The following SMC5 variants were observed in gnomAD, a reference collection of about 807,000 sequenced individuals.
SMC5 encodes structural maintenance of chromosomes protein 5.
SMC5 carries 88 observed loss-of-function variants against 148.3 expected under a neutral mutation model. The observed-to-expected ratio is 0.59, with a 90% CI of 0.50 to 0.71. SMC5 has a LOEUF of 0.71. Ranked by LOEUF, SMC5 falls within the 30% of genes least tolerant of loss-of-function variation. The probability of loss-of-function intolerance (pLI) is 0.00; values close to 1 mark genes in which losing one functional copy is unlikely to be tolerated. For missense variants in SMC5, 1,142 were observed against 1,298.9 expected (o/e 0.88, Z 1.86); for synonymous variants, 421 against 432.8 (o/e 0.97, Z 0.34).
At chr9:70,328,659 G>A (rs1486576229) in intron 17 of SMC5, among the ~76,000 whole-genome samples, 1 of 152,188 alleles carries the variant, frequency 6.6e-6, no homozygotes, top group African/African-American at 2.4e-5. Flanking sequence ...CACGGTGCAA[G>A]CTGTCAGTGG....
chr9:70,295,292 T>C (rs1160750197), intron 8 of SMC5, among the ~76,000 whole-genome samples: 2 of 111,072 alleles, frequency 1.8e-5, no homozygotes, highest in Non-Finnish European at 3.8e-5. Context: ...AGTGAAACCC[T>C]GTCTCTACTA....
At chr9:70,285,992 G>C (rs1237536222) in intron 7 of SMC5, among the ~76,000 whole-genome samples, 1 of 152,140 alleles carries the variant, frequency 6.6e-6, no homozygotes, top group Admixed American at 6.6e-5. Flanking sequence ...AAACATGCAT[G>C]CGTATTACTG....
intron 11 of SMC5, 52 bp from the exon 12 acceptor site, chr9:70,314,690 C>A (rs1040957258): frequency 6.4e-6 from 6 of 939,506 alleles, no homozygotes; most frequent in African/African-American, 1.7e-5. Flanking sequence ...TAAATCATTT[C>A]AGTAGAGAAT....
intron 3 of SMC5, among the ~76,000 whole-genome samples, chr9:70,272,127 A>G (rs541743053): frequency 6.6e-6 from 1 of 152,196 alleles, no homozygotes; most frequent in Non-Finnish European, 1.5e-5. Flanking sequence ...TGATTTGCTT[A>G]TGAATTATAT....
intron 17 of SMC5, among the ~76,000 whole-genome samples, chr9:70,336,122 G>GCATAAATGT (rs1447880294): frequency 6.6e-6 from 1 of 152,148 alleles, no homozygotes; most frequent in Non-Finnish European, 1.5e-5. Flanking sequence ...TAACTTAACT[G>GCATAAATGT]CATAAATGTA....
intron 22 of SMC5, among the ~76,000 whole-genome samples, chr9:70,348,951 C>G (rs2036736235): frequency 6.6e-6 from 1 of 152,156 alleles, no homozygotes; most frequent in African/African-American, 2.4e-5. Flanking sequence ...AAAGTAACTA[C>G]TAGAAAATTG....
chr9:70,279,748 C>T (rs564262825), intron 5 of SMC5, among the ~76,000 whole-genome samples: 12 of 135,566 alleles, frequency 8.9e-5, no homozygotes, highest in East Asian at 4.7e-4. Flanking sequence ...ACCTGGGAGG[C>T]GGAGGTTGTA....
intron 11 of SMC5, among the ~76,000 whole-genome samples, chr9:70,309,048 T>C (rs1225465474): frequency 6.6e-6 from 1 of 152,174 alleles, no homozygotes; most frequent in East Asian, 1.9e-4. Context: ...AAAATGTACA[T>C]ACTTTAAAAA....
At chr9:70,351,367 A>AT (rs886905418) in intron 24 of SMC5, among the ~76,000 whole-genome samples, 2 of 152,002 alleles carry the variant, frequency 1.3e-5, no homozygotes, top group African/African-American at 4.8e-5. Flanking sequence ...AAAAAAAAAA[A>AT]AATTGTTTTT....
intron 8 of SMC5, among the ~76,000 whole-genome samples, chr9:70,293,005 A>G (rs1167584874): frequency 6.6e-6 from 1 of 152,112 alleles, no homozygotes; most frequent in Non-Finnish European, 1.5e-5. Context: ...AACTAGCTTC[A>G]TAAAATGAAT....
At position 70,337,851 on chromosome 9, in the gene SMC5, A is replaced by ATT. The variant is rs34041276; in HGVS notation, c.2398-6280_2398-6279dup. On this transcript the variant is annotated intron_variant, in intron 17 of 24. Transcript: ENST00000361138. ...TTTGTTTTTAATCAGTGAATTACTAATTTTTTTTTTTTTTAACCAAGACAG... is the reference window on the plus strand; with the variant it reads ...TTTGTTTTTAATCAGTGAATTACTAATTTTTTTTTTTTTTTTAACCAAGACAG... 7.4e-3 allele frequency among the ~76,000 whole-genome samples: 1,093 copies of ATT among 148,078 alleles called. 33 individuals carry two copies. The highest frequency in any genetic ancestry group is 0.055 in the Admixed American group (809 of 14,838).
At chr9:70,286,652 T>C (rs2034910592) in intron 8 of SMC5, 1 of 160,290 alleles carries the variant, frequency 6.2e-6, no homozygotes, top group Non-Finnish European at 1.4e-5. Context: ...AGAAAATGCG[T>C]ATGTACCTTT....
At chr9:70,306,215 GA>G (rs776670592) in intron 11 of SMC5, among the ~76,000 whole-genome samples, 6 of 152,184 alleles carry the variant, frequency 3.9e-5, no homozygotes, top group Admixed American at 2.6e-4. Context: ...GCCTTATAAG[GA>G]AAGGTTAGGT....
intron 10 of SMC5, among the ~76,000 whole-genome samples, chr9:70,302,396 G>A (rs1450476706): frequency 2.0e-5 from 3 of 152,098 alleles, no homozygotes; most frequent in African/African-American, 7.2e-5. Context: ...CGGAGGCTGA[G>A]GCAGGAGAAT....
At chr9:70,312,891 A>C (rs1165509171) in intron 11 of SMC5, among the ~76,000 whole-genome samples, 1 of 152,142 alleles carries the variant, frequency 6.6e-6, no homozygotes, top group Non-Finnish European at 1.5e-5. Flanking sequence ...ACTTCTTTGT[A>C]ATGTTTTTGT....
intron 17 of SMC5, among the ~76,000 whole-genome samples, chr9:70,339,243 C>A (rs906173920): frequency 1.3e-5 from 2 of 152,046 alleles, no homozygotes; most frequent in South Asian, 4.1e-4. Flanking sequence ...TCCTGGCTAA[C>A]GTGGTGAAAC....
At chr9:70,336,147 G>C (rs2036350806) in intron 17 of SMC5, among the ~76,000 whole-genome samples, 1 of 152,294 alleles carries the variant, frequency 6.6e-6, no homozygotes, top group South Asian at 2.1e-4. Flanking sequence ...TTACATAAAT[G>C]TGAGCTATAT....
chr9:70,346,933 A>G, intron 19 of SMC5, 133 bp from the exon 20 acceptor site: 1 of 730,676 alleles, frequency 1.4e-6, no homozygotes, highest in Admixed American at 2.9e-5. Context: ...CCTGTTTATT[A>G]TTCCTTTGTA....
intron 8 of SMC5, among the ~76,000 whole-genome samples, chr9:70,291,989 C>G (rs2035075763): frequency 6.6e-6 from 1 of 152,130 alleles, no homozygotes. Context: ...AGGAATGAAG[C>G]AAGTTCAAAA....
Sources: allele counts gnomAD v4.1 joint callset (sites outside exome capture counted in the v4.1 genomes callset), GRCh38; gene constraint gnomAD v4.1.1; transcripts MANE v1.5; gene names NCBI Gene and HGNC (gene_info 2026-07-23, HGNC 2026-07-21).